Variants in ICA1L observed in about 807,000 individuals in gnomAD.
ICA1L encodes islet cell autoantigen 1 like.
In ICA1L, 50 loss-of-function variants were observed where a neutral mutation model predicts 61.3. The observed-to-expected ratio is 0.82, with a 90% CI of 0.65 to 1.03. The LOEUF is 1.03. Ranked by LOEUF, ICA1L falls within the 50% of genes least tolerant of loss-of-function variation. The probability of loss-of-function intolerance (pLI) is 0.00; values close to 1 mark genes in which losing one functional copy is unlikely to be tolerated. For synonymous variants in ICA1L, 161 were observed against 191.3 expected (o/e 0.84, Z 1.31); for missense variants, 508 against 556.7 (o/e 0.91, Z 0.88).
chr2:202,782,238 G>A (rs1258871194), intron 12 of ICA1L, among the ~76,000 whole-genome samples: 1 of 152,000 alleles, frequency 6.6e-6, no homozygotes, highest in East Asian at 2.0e-4. Context: ...GCAGCTACTC[G>A]GGAGGCTGAG....
chr2:202,812,388 C>T (rs954447688), intron 8 of ICA1L, among the ~76,000 whole-genome samples: 7 of 152,088 alleles, frequency 4.6e-5, no homozygotes, highest in African/African-American at 1.4e-4. Flanking sequence ...ACCAGCCTGA[C>T]CAACGTGGTG....
chr2:202,773,872 G>A lies in ICA1L; in HGVS notation c.*5661C>T, dbSNP rs751926610. Reference sequence around the variant, plus strand: ...AAGTTTTCTTCTACAGAGGCTGAGTGGAACAGTCCTGCTAAATAAACCAGT... The same window carrying A: ...AAGTTTTCTTCTACAGAGGCTGAGTAGAACAGTCCTGCTAAATAAACCAGT... On this transcript the variant is annotated 3_prime_UTR_variant, in exon 13 of 13. Coordinates refer to ENST00000358299, the MANE Select transcript of ICA1L (RefSeq NM_001288622.3). 1.5e-6 allele frequency: 2 copies of A among 1,304,226 alleles called. No homozygotes were observed. The highest frequency in any genetic ancestry group is 1.5e-5 in the African/African-American group (1 of 68,880). 80.8% of individuals were successfully genotyped at this position (1,304,226 alleles called of 1,614,324 possible).
At chr2:202,834,566 T>G (rs962286735) in intron 1 of ICA1L, among the ~76,000 whole-genome samples, 2 of 152,102 alleles carry the variant, frequency 1.3e-5, no homozygotes, top group Admixed American at 1.3e-4. Flanking sequence ...AGGTGGAGGT[T>G]GCAGAGAGCC....
At chr2:202,865,593 C>T (rs1269116187) in intron 1 of ICA1L, among the ~76,000 whole-genome samples, 1 of 152,068 alleles carries the variant, frequency 6.6e-6, no homozygotes, top group African/African-American at 2.4e-5. Flanking sequence ...CACACCACTT[C>T]CACATTTAAA....
intron 1 of ICA1L, among the ~76,000 whole-genome samples, chr2:202,852,587 G>A (rs9677198): frequency 0.42 from 62,129 of 147,898 alleles, 13,947 homozygotes; most frequent in Middle Eastern, 0.66. Flanking sequence ...GGAGAATGGC[G>A]TGAACCCAGG....
chr2:202,838,790 G>A (rs939814075), intron 1 of ICA1L, among the ~76,000 whole-genome samples: 10 of 152,118 alleles, frequency 6.6e-5, no homozygotes, highest in African/African-American at 1.9e-4. Context: ...TGGTTCTGCC[G>A]GTTGTACAGG....
chr2:202,800,974 A>C (rs1693073038), intron 9 of ICA1L, among the ~76,000 whole-genome samples: 1 of 152,084 alleles, frequency 6.6e-6, no homozygotes, highest in Non-Finnish European at 1.5e-5. Context: ...AAGATTTAAA[A>C]ATTTTCAAAT....
intron 1 of ICA1L, among the ~76,000 whole-genome samples, chr2:202,845,847 CTT>C (rs914716998): frequency 2.6e-5 from 4 of 152,114 alleles, no homozygotes; most frequent in Admixed American, 6.5e-5. Context: ...CTGAAATCCT[CTT>C]GAGAAAAATA....
intron 2 of ICA1L, among the ~76,000 whole-genome samples, chr2:202,827,920 T>C (rs577784689): frequency 6.6e-6 from 1 of 152,334 alleles, no homozygotes; most frequent in East Asian, 1.9e-4. Flanking sequence ...ATAATGATTA[T>C]ATTCCAAGCA....
At chr2:202,840,295 C>A in intron 1 of ICA1L, 1 of 452,012 alleles carries the variant, frequency 2.2e-6, no homozygotes, top group Non-Finnish European at 4.3e-6. Context: ...GGGGCAGCTG[C>A]AGGAGGGGCA....
intron 1 of ICA1L, among the ~76,000 whole-genome samples, chr2:202,858,777 G>A (rs10170010): frequency 5.9e-5 from 9 of 151,952 alleles, no homozygotes; most frequent in South Asian, 2.1e-4. Flanking sequence ...TTACAGTTGC[G>A]TACGGTATTC....
chr2:202,828,871 C>A lies in ICA1L; in HGVS notation c.139G>T (p.Ala47Ser). The change falls in exon 2 of 13, where the codon GCT becomes TCT. Residue 47 changes from alanine (A) to serine (S), a missense_variant. Coordinates refer to ENST00000358299, the MANE Select transcript of ICA1L (RefSeq NM_001288622.3). ...KEDEHLVASDAELDAKLEVFH... is the reference protein window; with the variant it reads ...KEDEHLVASDSELDAKLEVFH... ...ACCTCAAGTTTAGCATCCAGTTCAG[C>A]ATCAGACGCCACCAAGTGCTCATCC... 1 of 1,614,042 alleles carries A rather than the reference C, an allele frequency of 6.2e-7. No homozygotes were observed. The highest frequency in any genetic ancestry group is 8.5e-7 in the Non-Finnish European group (1 of 1,179,958).
Position 202,817,774 on chromosome 2 carries a change from G to C in ICA1L, c.559-231C>G, listed in dbSNP as rs900796412. ...CAGAAGATATCTTTATGCTGAGAAAGTATGAGATAATAGATGGAAAGCAAA... is the reference window on the plus strand; with the variant it reads ...CAGAAGATATCTTTATGCTGAGAAACTATGAGATAATAGATGGAAAGCAAA... On this transcript the variant is annotated intron_variant, in intron 5 of 12. Transcript: ENST00000358299. Among the ~76,000 whole-genome samples the C allele has an allele frequency of 5.3e-5, 8 of 152,146 alleles. No homozygotes were observed. The East Asian group carries it at 1.5e-3, about 29-fold the overall frequency.
intron 5 of ICA1L, among the ~76,000 whole-genome samples, 184 bp from the exon 6 acceptor site, chr2:202,817,727 A>G (rs540524949): frequency 1.6e-4 from 25 of 152,272 alleles, no homozygotes; most frequent in African/African-American, 6.0e-4. Flanking sequence ...TGCTACTGTT[A>G]GTAATTGTAG....
intron 1 of ICA1L, among the ~76,000 whole-genome samples, chr2:202,869,994 CAG>C (rs915578362): frequency 2.0e-5 from 3 of 151,920 alleles, no homozygotes; most frequent in African/African-American, 7.3e-5. Flanking sequence ...TTTCCAGTTA[CAG>C]ATATATTTAA....
intron 11 of ICA1L, 98 bp downstream of exon 11, chr2:202,788,732 A>G: frequency 7.9e-7 from 1 of 1,268,762 alleles, no homozygotes. Context: ...TGACATTAAA[A>G]TCAATCTGCT....
intron 9 of ICA1L, among the ~76,000 whole-genome samples, chr2:202,807,595 G>A (rs1693260988): frequency 6.6e-6 from 1 of 152,214 alleles, no homozygotes; most frequent in Admixed American, 6.5e-5. Context: ...CTTGGAGCCA[G>A]TGGAGTTAGG....
At chr2:202,855,138 C>T (rs1174415984) in intron 1 of ICA1L, among the ~76,000 whole-genome samples, 3 of 152,282 alleles carry the variant, frequency 2.0e-5, no homozygotes, top group Non-Finnish European at 4.4e-5. Context: ...CTCTGGGACA[C>T]AGCTAAAGCA....
At chr2:202,781,160 T>C (rs1692389434) in intron 12 of ICA1L, among the ~76,000 whole-genome samples, 1 of 152,208 alleles carries the variant, frequency 6.6e-6, no homozygotes, top group South Asian at 2.1e-4. Flanking sequence ...ACACTATTAC[T>C]GCCTCCAGAG....
Sources: allele counts gnomAD v4.1 joint callset (sites outside exome capture counted in the v4.1 genomes callset), GRCh38; gene constraint gnomAD v4.1.1; transcripts MANE v1.5; gene names NCBI Gene and HGNC (gene_info 2026-07-23, HGNC 2026-07-21).